RIPOR1: variants seen among roughly 807,000 people sequenced by gnomAD.
RIPOR1 encodes the protein rho family-interacting cell polarization regulator 1.
Under a neutral mutation model 116.5 loss-of-function variants are expected in RIPOR1, and 58 were observed. That is an observed-to-expected ratio of 0.50 (90% CI 0.40 to 0.62). RIPOR1 has a LOEUF of 0.62. RIPOR1 is among the 20% of genes least tolerant of loss of function. The probability of loss-of-function intolerance (pLI) is 0.00; values close to 1 mark genes in which losing one functional copy is unlikely to be tolerated. For synonymous variants in RIPOR1, 605 were observed against 650.0 expected (o/e 0.93, Z 1.05); for missense variants, 1,372 against 1,586.2 (o/e 0.86, Z 2.29).
rs377011942 is a variant in RIPOR1 at position 67,543,062 on chromosome 16, C to T, written c.2276C>T (p.Pro759Leu). The change falls in exon 13 of 22, where the codon CCA becomes CTA. Residue 759 changes from proline to leucine, a missense_variant. Physicochemically the swap from Pro to Leu is moderately conservative, Grantham distance 98. Coordinates refer to ENST00000042381, the MANE Select transcript of RIPOR1 (RefSeq NM_024519.4). The surrounding 1 kb of genome is among the most constrained non-coding windows in gnomAD (Gnocchi z 4.7). ...AGTCTAAGCCCCACTCCCTCACCCCCAACCCCTGCACCCCAGCATTCAGAC... is the reference window on the plus strand; with the variant it reads ...AGTCTAAGCCCCACTCCCTCACCCCTAACCCCTGCACCCCAGCATTCAGAC... ...VQSLSPTPSP[P>L]TPAPQHSDLC... 21 of 1,525,374 alleles carry T rather than the reference C, an allele frequency of 1.4e-5. No individual in the cohort carries two copies. In the African/African-American group the frequency reaches 1.8e-4, roughly 13 times the overall value. The allele number at this position is 1,525,374 out of a possible 1,614,324, so 94.5% of individuals were successfully genotyped here.
At position 67,540,548 on chromosome 16, in the gene RIPOR1, C is replaced by G; in HGVS notation, c.676-31C>G. 6.2e-7 allele frequency: 1 copy of G among 1,614,092 alleles called. No individual in the cohort carries two copies. The highest frequency in any genetic ancestry group is 1.3e-5 in the African/African-American group (1 of 75,036). ...GGCTGGGTCGGTAGGGTCCCAACACCTAGGCTGCCTCATCCTACCTGTTCC... is the reference window on the plus strand; with the variant it reads ...GGCTGGGTCGGTAGGGTCCCAACACGTAGGCTGCCTCATCCTACCTGTTCC... On this transcript the variant is annotated intron_variant, in intron 9 of 21. Transcript: ENST00000042381. The surrounding 1 kb of genome is among the most constrained non-coding windows in gnomAD (Gnocchi z 4.7).
At position 67,538,451 on chromosome 16, in the gene RIPOR1, T is replaced by C; in HGVS notation, c.5T>C (p.Met2Thr). M[M>T]SLSVRPQRRL... ...AGCCCCGCGCGGACTCACTCTATGA[T>C]GTCCCTGTCGGTGCGGCCGCAGCGC... is the stretch of plus-strand genomic sequence containing the variant. The change falls in exon 2 of 22, where the codon ATG becomes ACG. Residue 2 changes from methionine to threonine, a missense_variant. By Grantham distance (81) the Met-to-Thr change is moderately conservative (BLOSUM62 -1). Around this residue, in one of 3 missense-constraint regions of RIPOR1, gnomAD observed 165 missense variants for 145.5 expected, o/e 1.13. Transcript: ENST00000042381. 2 of 1,606,104 alleles carry C rather than the reference T, an allele frequency of 1.2e-6. No homozygotes were observed. The highest frequency in any genetic ancestry group is 1.7e-6 in the Non-Finnish European group (2 of 1,176,714).
At position 67,539,025 on chromosome 16, in the gene RIPOR1, A is replaced by G. The variant is rs752347460; in HGVS notation, c.293A>G (p.Lys98Arg). Residue 98 changes from lysine to arginine, a missense_variant, in exon 4 of 22, where the codon AAA becomes AGA. Around this residue, in one of 3 missense-constraint regions of RIPOR1, gnomAD observed 165 missense variants for 145.5 expected, o/e 1.13. Transcript: ENST00000042381. ...YLEVHQQEQE[K>R]LQGQIRESKR... is the part of the protein sequence containing the mutation. ...GAAGTGCACCAGCAGGAGCAAGAGA[A>G]ACTCCAGGGGCAGATAAGGGAGTCC... 3.1e-6 allele frequency: 5 copies of G among 1,613,492 alleles called. No homozygotes were observed. The highest frequency in any genetic ancestry group is 4.2e-6 in the Non-Finnish European group (5 of 1,179,894).
chr16:67,526,974 G>T (rs1400148945), upstream of RIPOR1, among the ~76,000 whole-genome samples: 1 of 152,210 alleles, frequency 6.6e-6, no homozygotes, highest in Non-Finnish European at 1.5e-5. Flanking sequence ...GCAGCCAGGG[G>T]CTCTGAAACA....
upstream of RIPOR1, among the ~76,000 whole-genome samples, chr16:67,525,261 G>A (rs1389235007): frequency 6.6e-6 from 1 of 152,194 alleles, no homozygotes; most frequent in Non-Finnish European, 1.5e-5. Flanking sequence ...GACTTGGGAG[G>A]TGCAGAGACT....
At chr16:67,524,417 G>A (rs2050523549), upstream of RIPOR1, among the ~76,000 whole-genome samples, 1 of 152,152 alleles carries the variant, frequency 6.6e-6, no homozygotes, top group Non-Finnish European at 1.5e-5. Context: ...AACAGGCCGT[G>A]GTGCTTTGGG....
At position 67,529,618 on chromosome 16, in the gene RIPOR1, C is replaced by T; in HGVS notation, c.-24+704C>T. The T allele has an allele frequency of 1.4e-6, 1 of 710,018 alleles. No homozygotes were observed. 44.0% of individuals were successfully genotyped at this position (710,018 alleles called of 1,614,324 possible). A position where few individuals can be genotyped will look rare whatever the true frequency, so the allele number is the denominator to read the frequency against. On this transcript the variant is annotated intron_variant, in intron 1 of 21. Coordinates refer to ENST00000042381, the MANE Select transcript of RIPOR1 (RefSeq NM_024519.4). This position sits in a 1 kb window ranked among gnomAD's most constrained non-coding sequence, Gnocchi z 4.1. ...GTCGGATTCAGTCCAGATTCAGCAC[C>T]CTTTGTCCTCCTCTCCAGGGTGAGC... is the stretch of plus-strand genomic sequence containing the variant.
In RIPOR1 at chr16:67,540,942, G is replaced by C. The variant is rs2050962806; in HGVS notation, c.801+238G>C. 6.6e-6 allele frequency among the ~76,000 whole-genome samples: 1 copy of C among 152,040 alleles called. No individual in the cohort carries two copies. Among genetic ancestry groups the C allele is most frequent in the Non-Finnish European group, 1.5e-5 (1 of 67,990 alleles). On this transcript the variant is annotated intron_variant, in intron 10 of 21. Coordinates refer to ENST00000042381, the MANE Select transcript of RIPOR1 (RefSeq NM_024519.4). The surrounding 1 kb of genome is among the most constrained non-coding windows in gnomAD (Gnocchi z 4.7). ...TGATCTTCTGACCCTGTGAATATTT[G>C]ACCTCCTAAGCTCCCATGAGGCTGT...
intron 1 of RIPOR1, among the ~76,000 whole-genome samples, chr16:67,533,679 A>T (rs2050719065): frequency 6.6e-6 from 1 of 151,982 alleles, no homozygotes; most frequent in African/African-American, 2.4e-5. Flanking sequence ...TGGGAAGAGG[A>T]GCAGGCGGGT....
In RIPOR1 at chr16:67,542,327, C is replaced by G. The variant is rs1423839205; in HGVS notation, c.1541C>G (p.Ser514Cys). The change falls in exon 13 of 22, where the codon TCT becomes TGT. Residue 514 changes from serine (S) to cysteine (C), a missense_variant. Around this residue, in one of 3 missense-constraint regions of RIPOR1, gnomAD observed 1,005 missense variants for 1,144.7 expected, o/e 0.88. Coordinates refer to ENST00000042381, the MANE Select transcript of RIPOR1 (RefSeq NM_024519.4). The surrounding 1 kb of genome is among the most constrained non-coding windows in gnomAD (Gnocchi z 4.6). Reference sequence around the variant, plus strand: ...AGCTCTACCCTCGGTACAACAGGCTCTGTCCCCACATCTACAGACCCTGCC... The same window carrying G: ...AGCTCTACCCTCGGTACAACAGGCTGTGTCCCCACATCTACAGACCCTGCC... ...ATSSTLGTTG[S>C]VPTSTDPAPS... 6.2e-7 allele frequency: 1 copy of G among 1,613,942 alleles called. No individual in the cohort carries two copies. The highest frequency in any genetic ancestry group is 2.2e-5 in the East Asian group (1 of 44,884).
In RIPOR1 at chr16:67,540,656, T is replaced by G. The variant is rs1265809570; in HGVS notation, c.753T>G (p.Ser251Arg). The G allele has an allele frequency of 6.2e-7, 1 of 1,612,592 alleles. No individual in the cohort carries two copies. The highest frequency in any genetic ancestry group is 1.7e-5 in the Admixed American group (1 of 59,748). The change falls in exon 10 of 22, where the codon AGT becomes AGG. Residue 251 changes from serine (S) to arginine (R), a missense_variant. Ser to Arg is a moderately radical substitution (Grantham distance 110, BLOSUM62 -1). Around this residue, in one of 3 missense-constraint regions of RIPOR1, gnomAD observed 202 missense variants for 295.9 expected, o/e 0.68. Coordinates refer to ENST00000042381, the MANE Select transcript of RIPOR1 (RefSeq NM_024519.4). The surrounding 1 kb of genome is among the most constrained non-coding windows in gnomAD (Gnocchi z 4.7). ...IEGSGKQVWD[S>R]EETIFLPLLT... ...GTAGTGGAAAGCAGGTGTGGGACAG[T>G]GAAGAAACCATCTTTCTCCCTCTAC...
In RIPOR1 at chr16:67,544,003, C is replaced by A. The variant is rs1158926175; in HGVS notation, c.2601-296C>A. On this transcript the variant is annotated intron_variant, in intron 14 of 21. Coordinates refer to ENST00000042381, the MANE Select transcript of RIPOR1 (RefSeq NM_024519.4). This position sits in a 1 kb window ranked among gnomAD's most constrained non-coding sequence, Gnocchi z 5.1. ...CAGGCTACAGCCCCATGCCCTGCACCCTTTGCAGTCCACTTGTCATAAACC... is the reference window on the plus strand; with the variant it reads ...CAGGCTACAGCCCCATGCCCTGCACACTTTGCAGTCCACTTGTCATAAACC... Among the ~76,000 whole-genome samples the A allele has an allele frequency of 6.6e-6, 1 of 152,108 alleles. No individual in the cohort carries two copies. Among genetic ancestry groups the A allele is most frequent in the Non-Finnish European group, 1.5e-5 (1 of 68,028 alleles).
At position 67,545,871 on chromosome 16, in the gene RIPOR1, C is replaced by T; in HGVS notation, c.3387+11C>T. The stretch of plus-strand genomic sequence containing the variant: ...ACCTTCCGGGAGAGGGTGAGTTGGA[C>T]AGGGCTCCCTTGAGGGCGAGGGCTG... On this transcript the variant is annotated intron_variant, in intron 19 of 21. Transcript: ENST00000042381. The surrounding 1 kb of genome is among the most constrained non-coding windows in gnomAD (Gnocchi z 4.8). 1 of 1,608,918 alleles carries T rather than the reference C, an allele frequency of 6.2e-7. No individual in the cohort carries two copies. Among genetic ancestry groups the T allele is most frequent in the Non-Finnish European group, 8.5e-7 (1 of 1,176,942 alleles).
chr16:67,543,315 C>A lies in RIPOR1; in HGVS notation c.2479-33C>A. On this transcript the variant is annotated intron_variant, in intron 13 of 21. Transcript: ENST00000042381. This position sits in a 1 kb window ranked among gnomAD's most constrained non-coding sequence, Gnocchi z 4.7. The stretch of plus-strand genomic sequence containing the variant: ...GCAACCAGGGAGGGCAGCCAGGGGG[C>A]GGCAGCCGCTCTGATGCCCTTCACA... 1 of 1,606,454 alleles carries A rather than the reference C, an allele frequency of 6.2e-7. No individual in the cohort carries two copies. The highest frequency in any genetic ancestry group is 1.7e-5 in the Admixed American group (1 of 58,784).
chr16:67,546,123 T>C lies in RIPOR1; in HGVS notation c.3472-18T>C, dbSNP rs373560563. On this transcript the variant is annotated intron_variant, in intron 20 of 21. Coordinates refer to ENST00000042381, the MANE Select transcript of RIPOR1 (RefSeq NM_024519.4). The stretch of plus-strand genomic sequence containing the variant: ...ATCTGCTCCCCTGAGCCCACCTCAA[T>C]GCTCCCTCCCCTGACAGGCTCCCGA... 2.4e-5 allele frequency: 34 copies of C among 1,396,912 alleles called. No individual in the cohort carries two copies. In the African/African-American group the frequency reaches 4.3e-4, roughly 18 times the overall value. 86.5% of individuals were successfully genotyped at this position (1,396,912 alleles called of 1,614,324 possible). A position where few individuals can be genotyped will look rare whatever the true frequency, so the allele number is the denominator to read the frequency against.
intron 1 of RIPOR1, 103 bp from the exon 2 acceptor site, chr16:67,538,321 G>C: frequency 7.0e-7 from 1 of 1,429,906 alleles, no homozygotes; most frequent in Non-Finnish European, 9.4e-7. Context: ...TGGGGCAGCT[G>C]TGCCTAGCGA....
At chr16:67,532,450 G>A (rs2050685650) in intron 1 of RIPOR1, among the ~76,000 whole-genome samples, 2 of 151,768 alleles carry the variant, frequency 1.3e-5, no homozygotes, top group South Asian at 4.2e-4. Context: ...CTGGGTGACA[G>A]CGTGAGACCT....
At chr16:67,539,927 G>T in intron 6 of RIPOR1, 28 bp downstream of exon 6, 4 of 1,614,116 alleles carry the variant, frequency 2.5e-6, no homozygotes, top group Non-Finnish European at 3.4e-6. Context: ...GTGCAGAGTG[G>T]GGTGGGGGGT....
rs1597632714 is a variant in RIPOR1, at chr16:67,537,038, C to T, written c.-23-1386C>T. 6.6e-6 allele frequency among the ~76,000 whole-genome samples: 1 copy of T among 152,284 alleles called. No individual in the cohort carries two copies. The highest frequency in any genetic ancestry group is 6.5e-5 in the Admixed American group (1 of 15,306). ...CAAGCGATTCTCCTGTCTCAGCCTC[C>T]TGAGTAGCTGGGATTACAGGCGCGC... On this transcript the variant is annotated intron_variant, in intron 1 of 21. Transcript: ENST00000042381. This position sits in a 1 kb window ranked among gnomAD's most constrained non-coding sequence, Gnocchi z 4.6.
Sources: gnomAD v4.1 joint callset for allele counts (sites outside exome capture counted in the v4.1 genomes callset) on GRCh38, gnomAD v4.1.1 for gene constraint, gnomAD v4.1.1 regional missense constraint, Gnocchi (gnomAD v3.1) non-coding constraint, MANE v1.5 for transcripts, NCBI Gene and HGNC (gene_info 2026-07-23, HGNC 2026-07-21) for gene names.